Variants in CHD9 observed in about 807,000 individuals in gnomAD.
The protein encoded by CHD9 is chromodomain helicase DNA binding protein 9.
In CHD9, 77 loss-of-function variants were observed where a neutral mutation model predicts 316.1. The ratio of observed to expected loss-of-function variants is 0.24; its 90% CI spans 0.20 to 0.29. The LOEUF (loss-of-function observed/expected upper bound fraction) is 0.29, where lower values mean the gene tolerates loss of function less well. CHD9 is among the 10% of genes least tolerant of loss of function. The probability of loss-of-function intolerance (pLI) is 1.00; values close to 1 mark genes in which losing one functional copy is unlikely to be tolerated. For missense variants in CHD9, 2,763 were observed against 3,438.1 expected, an observed-to-expected ratio of 0.80 and a Z score of 4.91; for synonymous variants, 1,129 against 1,158.3, an observed-to-expected ratio of 0.97 and a Z score of 0.51.
At chr16:53,098,303 T>C (rs12925005) in intron 1 of CHD9, among the ~76,000 whole-genome samples, 64,530 of 151,092 alleles carry the variant, frequency 0.43, 14,473 homozygotes, top group East Asian at 0.58. Flanking sequence ...TGGTGAAACC[T>C]CGTCTCTACT....
intron 2 of CHD9, among the ~76,000 whole-genome samples, chr16:53,190,914 C>T (rs972773177): frequency 3.9e-5 from 6 of 151,920 alleles, no homozygotes; most frequent in Non-Finnish European, 7.4e-5. Flanking sequence ...TACATATGTC[C>T]ACTTAGTAAG....
intron 3 of CHD9, among the ~76,000 whole-genome samples, chr16:53,210,220 A>C (rs2046217281): frequency 6.6e-6 from 1 of 151,740 alleles, no homozygotes; most frequent in South Asian, 2.1e-4. Flanking sequence ...CTCACTGAGC[A>C]CTCATAGTTT....
At chr16:53,268,452 A>G (rs2051906108) in intron 22 of CHD9, among the ~76,000 whole-genome samples, 1 of 152,192 alleles carries the variant, frequency 6.6e-6, no homozygotes, top group Admixed American at 6.5e-5. Context: ...TTTATTTAGT[A>G]TCTCCTTTGA....
chr16:53,084,238 T>C (rs1253021618), intron 1 of CHD9, among the ~76,000 whole-genome samples: 1 of 152,166 alleles, frequency 6.6e-6, no homozygotes, highest in East Asian at 1.9e-4. Flanking sequence ...GACCATGGAA[T>C]GTGAAGGAAA....
intron 1 of CHD9, among the ~76,000 whole-genome samples, chr16:53,094,980 A>G (rs11863603): frequency 0.43 from 64,840 of 151,900 alleles, 14,675 homozygotes; most frequent in East Asian, 0.59. Flanking sequence ...AGGGTTATTC[A>G]CAATATTTGA....
intron 17 of CHD9, among the ~76,000 whole-genome samples, chr16:53,252,825 A>T (rs2050240634): frequency 6.6e-6 from 1 of 152,228 alleles, no homozygotes. Context: ...GATCAGGGAA[A>T]TGCAAATCAA....
intron 1 of CHD9, among the ~76,000 whole-genome samples, chr16:53,131,793 C>T (rs545499586): frequency 3.2e-4 from 49 of 152,290 alleles, no homozygotes; most frequent in African/African-American, 9.1e-4. Flanking sequence ...GAGCACGGGA[C>T]GTCCCCGGCG....
intron 34 of CHD9, among the ~76,000 whole-genome samples, chr16:53,309,791 T>C (rs150139921): frequency 6.6e-6 from 1 of 152,286 alleles, no homozygotes; most frequent in South Asian, 2.1e-4. Context: ...CTTAGTACTT[T>C]AATTTATCTG....
chr16:53,192,946 C>CT (rs763299437), intron 2 of CHD9, among the ~76,000 whole-genome samples: 3 of 151,702 alleles, frequency 2.0e-5, no homozygotes, highest in Non-Finnish European at 4.4e-5. Flanking sequence ...GTATATACAG[C>CT]TTTTTTTTGT....
At chr16:53,088,425 C>T (rs1308607709) in intron 1 of CHD9, among the ~76,000 whole-genome samples, 1 of 151,866 alleles carries the variant, frequency 6.6e-6, no homozygotes, top group Non-Finnish European at 1.5e-5. Context: ...CTACAGATGC[C>T]TGCCACCACG....
At chr16:53,255,124 A>G (rs1045599050) in intron 18 of CHD9, among the ~76,000 whole-genome samples, 1 of 152,084 alleles carries the variant, frequency 6.6e-6, no homozygotes, top group African/African-American at 2.4e-5. Context: ...AAGCCTGGGC[A>G]ACATGGCAAG....
At chr16:53,099,877 G>T (rs979578845) in intron 1 of CHD9, among the ~76,000 whole-genome samples, 66 of 152,372 alleles carry the variant, frequency 4.3e-4, no homozygotes, top group African/African-American at 1.5e-3. Context: ...GCGGGAGGGG[G>T]TGCTCCCACC....
At chr16:53,254,893 A>T (rs2050449264) in intron 18 of CHD9, among the ~76,000 whole-genome samples, 1 of 152,236 alleles carries the variant, frequency 6.6e-6, no homozygotes, top group Non-Finnish European at 1.5e-5. Flanking sequence ...TTGTGTTTAT[A>T]TAAACAATTT....
chr16:53,286,276 G>A lies in CHD9; in HGVS notation c.5122G>A (p.Glu1708Lys). The change falls in exon 26 of 39, where the codon GAA (glutamate) becomes AAA (lysine). Residue 1708 changes from glutamate to lysine, a missense_variant. Transcript: ENST00000447540. ...AGCAGACCCAGCATTATGCTTCTTG[G>A]AAAGAGTGGGAAAACCTGATGAGAA... is the stretch of plus-strand genomic sequence containing the variant. Reference protein sequence around the residue: ...IRADPALCFLERVGKPDEKAV... With the variant: ...IRADPALCFLKRVGKPDEKAV... 1 of 1,613,406 alleles carries A rather than the reference G, an allele frequency of 6.2e-7. No homozygotes were observed. Among genetic ancestry groups the A allele is most frequent in the Non-Finnish European group, 8.5e-7 (1 of 1,179,434 alleles).
At chr16:53,090,272 C>A (rs1471793557) in intron 1 of CHD9, among the ~76,000 whole-genome samples, 1 of 152,172 alleles carries the variant, frequency 6.6e-6, no homozygotes, top group Non-Finnish European at 1.5e-5. Context: ...AGTGTGAGAA[C>A]AAAATGAGCT....
At chr16:53,316,290 A>G (rs1392831451) in intron 36 of CHD9, among the ~76,000 whole-genome samples, 1 of 152,178 alleles carries the variant, frequency 6.6e-6, no homozygotes, top group Non-Finnish European at 1.5e-5. Context: ...GATAACATTC[A>G]TTTATTCAGT....
At chr16:53,291,613 T>G in intron 27 of CHD9, 112 bp from the exon 28 acceptor site, 1 of 662,172 alleles carries the variant, frequency 1.5e-6, no homozygotes, top group South Asian at 2.1e-5. Flanking sequence ...TTATTTAACA[T>G]TCCATTGGGG....
At chr16:53,207,937 C>A in intron 2 of CHD9, 1 of 605,964 alleles carries the variant, frequency 1.7e-6, no homozygotes, top group Non-Finnish European at 2.1e-6. Flanking sequence ...GTAGCACCAT[C>A]TGCTGGCCTA....
intron 36 of CHD9, among the ~76,000 whole-genome samples, chr16:53,315,998 T>C (rs1469166347): frequency 6.6e-6 from 1 of 152,122 alleles, no homozygotes; most frequent in Non-Finnish European, 1.5e-5. Flanking sequence ...TCCTAGCACT[T>C]TGGGAGGCCG....
Sources: allele counts gnomAD v4.1 joint callset (sites outside exome capture counted in the v4.1 genomes callset), GRCh38; gene constraint gnomAD v4.1.1; transcripts MANE v1.5; gene names NCBI Gene and HGNC (gene_info 2026-07-23, HGNC 2026-07-21).